Variants in ZWILCH observed in about 807,000 individuals in gnomAD.
ZWILCH encodes zwilch kinetochore protein.
ZWILCH carries 74 observed loss-of-function variants against 79.9 expected under a neutral mutation model. The ratio of observed to expected loss-of-function variants is 0.93; its 90% CI spans 0.77 to 1.12. The LOEUF is 1.12. ZWILCH is among the 50% of genes most tolerant of loss of function. ZWILCH has a pLI of 0.00. For missense variants in ZWILCH, 694 were observed against 687.5 expected (o/e 1.01, Z -0.11); for synonymous variants, 241 against 228.2 (o/e 1.06, Z -0.51).
chr15:66,546,933 T>TAA, intron 18 of ZWILCH: 1 of 196,512 alleles, frequency 5.1e-6, no homozygotes, highest in Non-Finnish European at 1.0e-5. Flanking sequence ...ACCAGAGAAA[T>TAA]AAAAAAAAAT....
intron 14 of ZWILCH, among the ~76,000 whole-genome samples, chr15:66,533,739 C>T (rs1049938518): frequency 9.2e-5 from 14 of 152,082 alleles, no homozygotes; most frequent in Non-Finnish European, 2.1e-4. Flanking sequence ...CGCACACACA[C>T]ACACACAAAC....
chr15:66,535,145 A>G (rs1894970708), intron 14 of ZWILCH, among the ~76,000 whole-genome samples: 2 of 151,968 alleles, frequency 1.3e-5, no homozygotes, highest in Admixed American at 6.6e-5. Flanking sequence ...CCGCCTCCAC[A>G]TCTTGTCGCA....
At chr15:66,545,488 A>G (rs1895340233) in intron 17 of ZWILCH, among the ~76,000 whole-genome samples, 1 of 152,224 alleles carries the variant, frequency 6.6e-6, no homozygotes, top group Admixed American at 6.5e-5. Flanking sequence ...TGTCTTTTTG[A>G]CATGGATTGC....
At chr15:66,512,613 G>A (rs1312556246) in intron 2 of ZWILCH, among the ~76,000 whole-genome samples, 2 of 151,044 alleles carry the variant, frequency 1.3e-5, no homozygotes, top group African/African-American at 2.4e-5. Context: ...GCTAATAACG[G>A]TAATGATTAT....
intron 16 of ZWILCH, among the ~76,000 whole-genome samples, chr15:66,538,386 C>CTT (rs201783019): frequency 2.1e-5 from 3 of 144,452 alleles, no homozygotes; most frequent in Non-Finnish European, 1.5e-5. Flanking sequence ...TCAGTAAGCA[C>CTT]TTTTTTTTTT....
chr15:66,518,039 A>C (rs1894352884), intron 4 of ZWILCH, among the ~76,000 whole-genome samples: 2 of 151,112 alleles, frequency 1.3e-5, no homozygotes, highest in Admixed American at 1.3e-4. Context: ...CCTGGCTCCT[A>C]CTTATTTCTT....
chr15:66,513,866 C>G (rs931521139), intron 2 of ZWILCH, 122 bp from the exon 3 acceptor site: 25 of 658,056 alleles, frequency 3.8e-5, no homozygotes, highest in Admixed American at 1.7e-4. Flanking sequence ...CCACCGTGCC[C>G]GGCCGAGACT....
chr15:66,537,116 G>A (rs914159188), intron 15 of ZWILCH, 52 bp from the exon 16 acceptor site: 12 of 1,448,560 alleles, frequency 8.3e-6, no homozygotes, highest in African/African-American at 4.2e-5. Flanking sequence ...CCAGAAAAAC[G>A]TTATGTCAAA....
chr15:66,544,899 AC>A (rs1372659936), intron 17 of ZWILCH, among the ~76,000 whole-genome samples: 11 of 150,916 alleles, frequency 7.3e-5, no homozygotes, highest in African/African-American at 2.4e-4. Context: ...GCGTGCCACC[AC>A]GCCTGGCTAA....
At position 66,521,184 on chromosome 15, in the gene ZWILCH, A is replaced by G. The variant is rs771463349; in HGVS notation, c.726A>G (p.Pro242=). 4.3e-6 allele frequency: 7 copies of G among 1,611,888 alleles called. No homozygotes were observed. The highest frequency in any genetic ancestry group is 5.9e-6 in the Non-Finnish European group (7 of 1,179,964). The change falls in exon 7 of 19, where the codon CCA becomes CCG. Residue 242 remains proline (P), a synonymous_variant. Transcript: ENST00000307897. ...SPVDEILQIP[P]LSSTATLNIK... The stretch of plus-strand genomic sequence containing the variant: ...TGGATGAGATTCTTCAAATCCCTCC[A>G]CTCTCTTCAACTGCAACTCTGGTAA...
At chr15:66,545,218 G>A (rs1158999976) in intron 17 of ZWILCH, among the ~76,000 whole-genome samples, 3 of 151,926 alleles carry the variant, frequency 2.0e-5, no homozygotes, top group Non-Finnish European at 4.4e-5. Context: ...GCCAGGCATG[G>A]TGGCGGGTGC....
At chr15:66,535,811 T>C in intron 14 of ZWILCH, 122 bp from the exon 15 acceptor site, 1 of 629,642 alleles carries the variant, frequency 1.6e-6, no homozygotes, top group Non-Finnish European at 2.4e-6. Flanking sequence ...CTTCTGGTCT[T>C]TTTTTTTTTT....
At chr15:66,545,121 G>T (rs1219084241) in intron 17 of ZWILCH, among the ~76,000 whole-genome samples, 4 of 151,982 alleles carry the variant, frequency 2.6e-5, no homozygotes, top group Admixed American at 6.5e-5. Flanking sequence ...GGAAGGCTGA[G>T]GTGGGTGGAT....
chr15:66,517,544 G>T (rs72625772), intron 4 of ZWILCH, among the ~76,000 whole-genome samples: 145,200 of 145,200 alleles, frequency 1, 72,600 homozygotes, highest in Non-Finnish European at 1. Flanking sequence ...ATGCTCCACT[G>T]TGTATTCTCT....
At chr15:66,507,921 A>T (rs1226311727) in intron 1 of ZWILCH, among the ~76,000 whole-genome samples, 1 of 149,500 alleles carries the variant, frequency 6.7e-6, no homozygotes, top group Non-Finnish European at 1.5e-5. Flanking sequence ...CCTGGGCCAC[A>T]GAGCGAGACT....
intron 4 of ZWILCH, 96 bp from the exon 5 acceptor site, chr15:66,518,783 C>T: frequency 8.5e-7 from 1 of 1,177,082 alleles, no homozygotes; most frequent in Non-Finnish European, 1.2e-6. Flanking sequence ...TGCATTCCAG[C>T]CTGGGCAACA....
chr15:66,534,143 T>C (rs1894939571), intron 14 of ZWILCH, among the ~76,000 whole-genome samples: 1 of 152,170 alleles, frequency 6.6e-6, no homozygotes, highest in Admixed American at 6.5e-5. Context: ...TGATTATGTC[T>C]GTACTGAATA....
intron 17 of ZWILCH, among the ~76,000 whole-genome samples, chr15:66,543,718 T>C (rs111662682): frequency 0.034 from 5,236 of 151,780 alleles, 324 homozygotes; most frequent in African/African-American, 0.12. Flanking sequence ...GGTTGTGCCA[T>C]TGCACTCCAG....
intron 17 of ZWILCH, among the ~76,000 whole-genome samples, chr15:66,543,593 CA>C (rs1229264698): frequency 6.6e-6 from 1 of 151,954 alleles, no homozygotes; most frequent in African/African-American, 2.4e-5. Flanking sequence ...CCGATCTGTA[CA>C]AAAAATACAA....
Sources: gnomAD v4.1 joint callset for allele counts (sites outside exome capture counted in the v4.1 genomes callset) on GRCh38, gnomAD v4.1.1 for gene constraint, MANE v1.5 for transcripts, NCBI Gene and HGNC (gene_info 2026-07-23, HGNC 2026-07-21) for gene names.